Variants in MGA observed in about 807,000 individuals in gnomAD.
The protein encoded by MGA is MAX dimerization protein MGA.
Under a neutral mutation model 261.1 loss-of-function variants are expected in MGA, and 40 were observed. The observed-to-expected ratio is 0.15, with a 90% CI of 0.12 to 0.20. The LOEUF is 0.20. Ranked by LOEUF, MGA falls within the 10% of genes least tolerant of loss-of-function variation. MGA has a pLI of 1.00. For synonymous variants in MGA, 1,302 were observed against 1,290.6 expected, an observed-to-expected ratio of 1.01 and a Z score of -0.19; for missense variants, 3,397 against 3,630.5, an observed-to-expected ratio of 0.94 and a Z score of 1.65.
intron 9 of MGA, among the ~76,000 whole-genome samples, chr15:41,720,805 G>A (rs1327355170): frequency 6.6e-6 from 1 of 151,948 alleles, no homozygotes; most frequent in East Asian, 1.9e-4. Flanking sequence ...TGCACTGGAC[G>A]ACAAAGTGAG....
At chr15:41,666,969 G>GT (rs1290972393) in intron 1 of MGA, among the ~76,000 whole-genome samples, 2 of 152,168 alleles carry the variant, frequency 1.3e-5, no homozygotes, top group Non-Finnish European at 1.5e-5. Flanking sequence ...ATATTTTCAA[G>GT]TTGCCCTCTC....
chr15:41,624,940 A>G (rs1211114127), intron 1 of MGA, among the ~76,000 whole-genome samples: 1 of 152,168 alleles, frequency 6.6e-6, no homozygotes, highest in Non-Finnish European at 1.5e-5. Flanking sequence ...CCAGGAATTC[A>G]AGACCAGCCT....
intron 2 of MGA, among the ~76,000 whole-genome samples, chr15:41,681,788 A>G (rs540977844): frequency 1.3e-5 from 2 of 152,190 alleles, no homozygotes; most frequent in East Asian, 1.9e-4. Context: ...TAAATATTCT[A>G]TACTGCTGAG....
Position 41,710,978 on chromosome 15 carries a change from G to C in MGA, c.2713G>C (p.Ala905Pro). Residue 905 changes from alanine (A) to proline (P), a missense_variant, in exon 8 of 24, where the codon GCA becomes CCA. Coordinates refer to ENST00000219905, the MANE Select transcript of MGA (RefSeq NM_001164273.2). ...AAAGGCAAAGTCTCAAAACAGACAG[G>C]CAACTTTCAGTGGCCGAACTAAATC... 1 of 1,613,912 alleles carries C rather than the reference G, an allele frequency of 6.2e-7. No individual in the cohort carries two copies. The highest frequency in any genetic ancestry group is 8.5e-7 in the Non-Finnish European group (1 of 1,179,880).
At chr15:41,714,251 C>G (rs1385129916) in intron 9 of MGA, among the ~76,000 whole-genome samples, 5 of 152,192 alleles carry the variant, frequency 3.3e-5, no homozygotes, top group Non-Finnish European at 7.3e-5. Flanking sequence ...ATCATAACGT[C>G]ATGTTCTGCT....
rs2057932781 is a variant in MGA, at chr15:41,669,500, G to A, written c.606G>A (p.Pro202=). The A allele has an allele frequency of 6.2e-7, 1 of 1,613,946 alleles. No individual in the cohort carries two copies. The highest frequency in any genetic ancestry group is 8.5e-7 in the Non-Finnish European group (1 of 1,179,902). Reference sequence around the variant, plus strand: ...TGCACTCTATGCATCGTTACCTGCCGAGGCTTCATTTGGTGCCTGCAGAAA... The same window carrying A: ...TGCACTCTATGCATCGTTACCTGCCAAGGCTTCATTTGGTGCCTGCAGAAA... The change falls in exon 2 of 24, where the codon CCG becomes CCA. Residue 202 remains proline (P), a synonymous_variant. Coordinates refer to ENST00000219905, the MANE Select transcript of MGA (RefSeq NM_001164273.2).
chr15:41,695,537 C>G (rs997585988), intron 2 of MGA, among the ~76,000 whole-genome samples: 6 of 152,116 alleles, frequency 3.9e-5, no homozygotes, highest in Non-Finnish European at 8.8e-5. Context: ...AGTTCTTAGG[C>G]TTTCAATGGA....
chr15:41,762,468 T>C (rs199797712), intron 22 of MGA, 106 bp downstream of exon 22: 1 of 577,624 alleles, frequency 1.7e-6, no homozygotes, highest in Non-Finnish European at 2.7e-6. Context: ...GTGGTTTTTT[T>C]TTTTTTTTTT....
chr15:41,737,840 C>T (rs968086409), intron 13 of MGA, among the ~76,000 whole-genome samples: 7 of 151,912 alleles, frequency 4.6e-5, no homozygotes, highest in African/African-American at 9.7e-5. Flanking sequence ...GTTAGCCCGG[C>T]GTGGTGGCGC....
rs745948525 is a variant in MGA, at chr15:41,696,833, C to A, written c.1823C>A (p.Pro608Gln). Residue 608 changes from proline to glutamine, a missense_variant, in exon 3 of 24, where the codon CCA (proline) becomes CAA (glutamine). Physicochemically the swap from Pro to Gln is moderately conservative, Grantham distance 76 (BLOSUM62 -1). Coordinates refer to ENST00000219905, the MANE Select transcript of MGA (RefSeq NM_001164273.2). ...GTGAATGCTAATCAGAATGCCTCTC[C>A]AAATGTCCCTGGAAAAAGAGGAAGG... The A allele has an allele frequency of 3.8e-6, 6 of 1,599,762 alleles. No individual in the cohort carries two copies. In the South Asian group the frequency reaches 4.5e-5, roughly 12 times the overall value.
At chr15:41,741,803 C>T (rs2062120358) in intron 14 of MGA, among the ~76,000 whole-genome samples, 1 of 152,040 alleles carries the variant, frequency 6.6e-6, no homozygotes, top group South Asian at 2.1e-4. Context: ...CATCCACCTC[C>T]TGGGTTCAAA....
rs1452559123 is a variant in MGA at position 41,754,444 on chromosome 15, G to A, written c.7016G>A (p.Cys2339Tyr). 1.9e-6 allele frequency: 3 copies of A among 1,547,882 alleles called. No individual in the cohort carries two copies. Among genetic ancestry groups the A allele is most frequent in the East Asian group, 4.9e-5 (2 of 41,236 alleles). Reference sequence around the variant, plus strand: ...TATAATGATGTATTTCAGAATAACTGTGTAGAATACATTGAGGATGATGAG... The same window carrying A: ...TATAATGATGTATTTCAGAATAACTATGTAGAATACATTGAGGATGATGAG... The change falls in exon 18 of 24, where the codon TGT (cysteine) becomes TAT (tyrosine). Residue 2339 changes from cysteine (C) to tyrosine (Y), a missense_variant. By Grantham distance (194) the Cys-to-Tyr change is radical. This residue lies in a region of MGA where 1,410 missense variants were observed against 1,386.4 expected (regional missense o/e 1.02). Transcript: ENST00000219905.
Position 41,696,655 on chromosome 15 carries a change from C to T in MGA, c.1645C>T (p.Pro549Ser). 2 of 1,612,904 alleles carry T rather than the reference C, an allele frequency of 1.2e-6. No homozygotes were observed. The highest frequency in any genetic ancestry group is 8.5e-7 in the Non-Finnish European group (1 of 1,179,394). The change falls in exon 3 of 24, where the codon CCT becomes TCT. Residue 549 changes from proline (P) to serine (S), a missense_variant. Around this residue, in one of 9 missense-constraint regions of MGA, gnomAD observed 563 missense variants for 563.6 expected, o/e 1.00. Coordinates refer to ENST00000219905, the MANE Select transcript of MGA (RefSeq NM_001164273.2). ...ACAAAAATATCCCTTACTGAAAGAGCCTCAGTGGAAATATCCTGATATATC... is the reference window on the plus strand; with the variant it reads ...ACAAAAATATCCCTTACTGAAAGAGTCTCAGTGGAAATATCCTGATATATC...
chr15:41,652,174 T>C (rs549099224), intron 1 of MGA, among the ~76,000 whole-genome samples: 22 of 149,610 alleles, frequency 1.5e-4, no homozygotes, highest in African/African-American at 5.4e-4. Context: ...TGGGGTTTCA[T>C]GTGTTAGCCA....
chr15:41,655,113 A>G (rs2057137624), intron 1 of MGA, among the ~76,000 whole-genome samples: 1 of 152,110 alleles, frequency 6.6e-6, no homozygotes, highest in Admixed American at 6.6e-5. Context: ...TCTCTTCTAT[A>G]AAATGGCATG....
In MGA at chr15:41,762,461, GTTTTTTTTTTTTTTTTTTTT is replaced by G. The variant is rs34069193; in HGVS notation, c.7744+110_7744+129del. 126 of 138,432 alleles carry G rather than the reference GTTTTTTTTTTTTTTTTTTTT, an allele frequency of 9.1e-4. 4 individuals are homozygous for G. Among genetic ancestry groups the G allele is most frequent in the African/African-American group, 7.5e-3 (115 of 15,416 alleles). 8.6% of individuals were successfully genotyped at this position (138,432 alleles called of 1,614,324 possible). On this transcript the variant is annotated intron_variant, in intron 22 of 23. Coordinates refer to ENST00000219905, the MANE Select transcript of MGA (RefSeq NM_001164273.2). ...TTGTCCACATTTTTAGTTTTGTGTG[GTTTTTTTTTTTTTTTTTTTT>G]TTTTTTTTTTGGAGACAGCTCTGTC... is the stretch of plus-strand genomic sequence containing the variant.
chr15:41,749,378 A>G lies in MGA; in HGVS notation c.5771A>G (p.Tyr1924Cys). The G allele has an allele frequency of 6.2e-7, 1 of 1,614,024 alleles. No homozygotes were observed. Among genetic ancestry groups the G allele is most frequent in the Non-Finnish European group, 8.5e-7 (1 of 1,179,894 alleles). The change falls in exon 17 of 24, where the codon TAT (tyrosine) becomes TGT (cysteine). Residue 1924 changes from tyrosine (Y) to cysteine (C), a missense_variant. This residue lies in a region of MGA where 1,410 missense variants were observed against 1,386.4 expected (regional missense o/e 1.02). Coordinates refer to ENST00000219905, the MANE Select transcript of MGA (RefSeq NM_001164273.2). ...ACAGGCTCTGAAACCAAAATAACTT[A>G]TAGCTCAGGAGGACAGCCTGTTGGT...
At chr15:41,678,081 C>T (rs975675266) in intron 2 of MGA, among the ~76,000 whole-genome samples, 4 of 151,100 alleles carry the variant, frequency 2.6e-5, no homozygotes, top group African/African-American at 7.3e-5. Context: ...GGTCTGCAAT[C>T]AATTTTGAAT....
rs1395033105 is a variant in MGA at position 41,710,851 on chromosome 15, C to T, written c.2586C>T (p.Thr862=). 1 of 1,613,918 alleles carries T rather than the reference C, an allele frequency of 6.2e-7. No individual in the cohort carries two copies. Among genetic ancestry groups the T allele is most frequent in the South Asian group, 1.1e-5 (1 of 91,074 alleles). ...TGTACCAGCTTCCCACTAAGAGTAC[C>T]AGTTATGTACGAACACTTGATAGTG... Residue 862 remains threonine (T), a synonymous_variant, in exon 8 of 24, where the codon ACC becomes ACT. Coordinates refer to ENST00000219905, the MANE Select transcript of MGA (RefSeq NM_001164273.2).
Sources: gnomAD v4.1 joint callset for allele counts (sites outside exome capture counted in the v4.1 genomes callset) on GRCh38, gnomAD v4.1.1 for gene constraint, gnomAD v4.1.1 regional missense constraint, MANE v1.5 for transcripts, NCBI Gene and HGNC (gene_info 2026-07-23, HGNC 2026-07-21) for gene names.